CDH18: variants seen among roughly 807,000 people sequenced by gnomAD.
CDH18 encodes the protein cadherin 18.
Under a neutral mutation model 67.9 loss-of-function variants are expected in CDH18, and 31 were observed. That is an observed-to-expected ratio of 0.46 (90% confidence interval 0.34 to 0.62). CDH18 has a LOEUF of 0.62. CDH18 is among the 20% of genes least tolerant of loss of function. The pLI, the probability that CDH18 is intolerant of heterozygous loss-of-function variation, is 0.01. For missense variants in CDH18, 890 were observed against 975.5 expected (o/e 0.91, Z 1.17); for synonymous variants, 362 against 347.2 (o/e 1.04, Z -0.48).
chr5:20,055,072 G>A (rs1236083127), intron 2 of CDH18, among the ~76,000 whole-genome samples: 1 of 151,472 alleles, frequency 6.6e-6, no homozygotes, highest in Non-Finnish European at 1.5e-5. Context: ...ACAGTAAGTA[G>A]TCATTTTTTT....
At chr5:19,631,681 G>T (rs932439315) in intron 5 of CDH18, among the ~76,000 whole-genome samples, 7 of 10,926 alleles carry the variant, frequency 6.4e-4, no homozygotes, top group African/African-American at 6.6e-4. Flanking sequence ...TTTGAACTAC[G>T]GGAAGATATT....
chr5:19,875,039 AT>A (rs1268827865), intron 2 of CDH18, among the ~76,000 whole-genome samples: 3 of 152,116 alleles, frequency 2.0e-5, no homozygotes, highest in African/African-American at 7.2e-5. Flanking sequence ...TGCTGGTCTA[AT>A]GAGTTCACAG....
intron 1 of CDH18, among the ~76,000 whole-genome samples, chr5:20,375,513 AAC>A (rs1743341351): frequency 6.6e-6 from 1 of 152,194 alleles, no homozygotes. Context: ...AACAACAAGC[AAC>A]AGTTTATTAA....
At chr5:20,466,995 G>T (rs1023101101) in intron 1 of CDH18, among the ~76,000 whole-genome samples, 8 of 152,046 alleles carry the variant, frequency 5.3e-5, no homozygotes, top group African/African-American at 1.9e-4. Context: ...ATATGAAATG[G>T]ATAATGTCAG....
chr5:19,793,590 C>T (rs1413588721), intron 3 of CDH18, among the ~76,000 whole-genome samples: 3 of 151,830 alleles, frequency 2.0e-5, no homozygotes, highest in Non-Finnish European at 2.9e-5. Flanking sequence ...CCTTTTACAC[C>T]GTAAAATTAA....
intron 5 of CDH18, among the ~76,000 whole-genome samples, chr5:19,657,197 T>A (rs185642651): frequency 5.3e-5 from 8 of 152,162 alleles, no homozygotes; most frequent in Non-Finnish European, 4.4e-5. Context: ...TGTTCAAAGC[T>A]TTTGTGTATA....
intron 2 of CDH18, among the ~76,000 whole-genome samples, chr5:20,047,147 G>C (rs1052896770): frequency 3.0e-4 from 45 of 151,860 alleles, no homozygotes; most frequent in African/African-American, 1.1e-3. Context: ...AATAAACAAA[G>C]GTAAAAAGCA....
At chr5:19,890,147 T>C (rs1788632714) in intron 2 of CDH18, among the ~76,000 whole-genome samples, 1 of 151,840 alleles carries the variant, frequency 6.6e-6, no homozygotes, top group South Asian at 2.1e-4. Flanking sequence ...CTCCTGGAGG[T>C]TCTGGGGGTC....
At chr5:20,401,169 G>A (rs1330303247) in intron 1 of CDH18, among the ~76,000 whole-genome samples, 2 of 152,102 alleles carry the variant, frequency 1.3e-5, no homozygotes, top group African/African-American at 2.4e-5. Context: ...TAATATTCCC[G>A]ATGTTGATAA....
At chr5:19,834,026 G>A (rs1781338727) in intron 3 of CDH18, among the ~76,000 whole-genome samples, 1 of 152,104 alleles carries the variant, frequency 6.6e-6, no homozygotes, top group Non-Finnish European at 1.5e-5. Flanking sequence ...GATGATGCCG[G>A]CTTCATAAAA....
intron 1 of CDH18, among the ~76,000 whole-genome samples, chr5:20,432,828 T>C (rs914239964): frequency 6.6e-6 from 1 of 151,508 alleles, no homozygotes; most frequent in Non-Finnish European, 1.5e-5. Flanking sequence ...ATTTCCAACA[T>C]GTAAATTGGG....
chr5:20,326,916 A>G lies in CDH18; in HGVS notation c.-579-71411T>C, dbSNP rs1244165091. 8.5e-5 allele frequency among the ~76,000 whole-genome samples: 13 copies of G among 152,304 alleles called. No homozygotes were observed. The East Asian group carries it at 2.5e-3, about 29-fold the overall frequency. ...GTTTTAAAAAATAATTGCACGATCT[A>G]GTTAACAACTACTTTCTGTAAATGA... On this transcript the variant is annotated intron_variant, in intron 1 of 14. Coordinates refer to the CDH18 transcript ENST00000507958.
intron 1 of CDH18, among the ~76,000 whole-genome samples, chr5:20,493,055 A>G (rs1186490207): frequency 6.6e-6 from 1 of 152,128 alleles, no homozygotes; most frequent in Non-Finnish European, 1.5e-5. Flanking sequence ...AAACTTTATG[A>G]AATATGTTTT....
chr5:20,239,114 A>G (rs955903193), intron 2 of CDH18, among the ~76,000 whole-genome samples: 27 of 152,168 alleles, frequency 1.8e-4, no homozygotes, highest in African/African-American at 6.0e-4. Flanking sequence ...TGCTTAACAC[A>G]AGGAACTAGG....
chr5:20,116,438 C>G (rs1250656887), intron 2 of CDH18, among the ~76,000 whole-genome samples: 2 of 151,804 alleles, frequency 1.3e-5, no homozygotes, highest in Non-Finnish European at 2.9e-5. Context: ...ATCACTTGAA[C>G]CCAAGAGGTG....
At chr5:20,479,208 C>T (rs1167751876) in intron 1 of CDH18, among the ~76,000 whole-genome samples, 1 of 152,148 alleles carries the variant, frequency 6.6e-6, no homozygotes, top group East Asian at 1.9e-4. Context: ...AATGCCCTAA[C>T]ATTGACAAAC....
chr5:20,221,432 A>G (rs1911828), intron 2 of CDH18, among the ~76,000 whole-genome samples: 105,777 of 151,940 alleles, frequency 0.7, 37,462 homozygotes, highest in African/African-American at 0.84. Context: ...AACTCATGGA[A>G]ATAGAGAGTA....
intron 2 of CDH18, among the ~76,000 whole-genome samples, chr5:20,241,864 A>T (rs1363788254): frequency 9.5e-5 from 11 of 115,236 alleles, no homozygotes; most frequent in South Asian, 2.7e-4. Context: ...AAAAAAAAAA[A>T]ATAAAATAAA....
At chr5:19,532,965 T>A (rs1405503960) in intron 9 of CDH18, among the ~76,000 whole-genome samples, 1 of 152,150 alleles carries the variant, frequency 6.6e-6, no homozygotes, top group Non-Finnish European at 1.5e-5. Flanking sequence ...CTGCAGCATG[T>A]CGAGTTTGAG....
Sources: allele counts gnomAD v4.1 joint callset (sites outside exome capture counted in the v4.1 genomes callset), GRCh38; gene constraint gnomAD v4.1.1; transcripts MANE v1.5; gene names NCBI Gene and HGNC (gene_info 2026-07-23, HGNC 2026-07-21).